Variants in GABRG3 observed in about 807,000 individuals in gnomAD.
The protein encoded by GABRG3 is gamma-aminobutyric acid receptor subunit gamma-3.
GABRG3 carries 25 observed loss-of-function variants against 48.8 expected under a neutral mutation model. That is an observed-to-expected ratio of 0.51 (90% CI 0.37 to 0.72). GABRG3 has a LOEUF of 0.72. Among genes scored for constraint, GABRG3 ranks in the 30% least tolerant of loss-of-function variants. The probability of loss-of-function intolerance (pLI) is 0.00; values close to 1 mark genes in which losing one functional copy is unlikely to be tolerated. For missense variants in GABRG3, 394 were observed against 577.9 expected, an observed-to-expected ratio of 0.68 and a Z score of 3.26; for synonymous variants, 227 against 217.6, an observed-to-expected ratio of 1.04 and a Z score of -0.38.
At chr15:27,242,092 A>T (rs1002616705) in intron 3 of GABRG3, among the ~76,000 whole-genome samples, 3 of 152,220 alleles carry the variant, frequency 2.0e-5, no homozygotes, top group Non-Finnish European at 2.9e-5. Flanking sequence ...CCAGCACGAG[A>T]TGCCTGGTTT....
chr15:27,403,847 G>T (rs560975685), intron 5 of GABRG3, among the ~76,000 whole-genome samples: 242 of 149,106 alleles, frequency 1.6e-3, no homozygotes, highest in Non-Finnish European at 2.5e-3. Flanking sequence ...AGGAGGCAGA[G>T]GTTGCAGTGA....
In GABRG3 at chr15:27,097,357, T is replaced by G. The variant is rs1267467025; in HGVS notation, c.270+70536T>G. Among the ~76,000 whole-genome samples, 8 of 152,228 alleles carry G rather than the reference T, an allele frequency of 5.3e-5. No individual in the cohort carries two copies. The East Asian group carries it at 1.4e-3, about 26-fold the overall frequency. On this transcript the variant is annotated intron_variant, in intron 3 of 9. Coordinates refer to ENST00000615808, the MANE Select transcript of GABRG3 (RefSeq NM_033223.5). ...GCTTAGAAAGAGGGCCCTATTTCTC[T>G]GGGCTTAGGAAGAAAGAGTATCTTC... is the stretch of plus-strand genomic sequence containing the variant.
chr15:27,250,858 C>G (rs781148269), intron 3 of GABRG3, among the ~76,000 whole-genome samples: 1 of 152,158 alleles, frequency 6.6e-6, no homozygotes, highest in Non-Finnish European at 1.5e-5. Flanking sequence ...AGGACGTGGA[C>G]GGCAGCTGCT....
chr15:27,011,608 G>A (rs1177095224), intron 2 of GABRG3, among the ~76,000 whole-genome samples: 1 of 152,072 alleles, frequency 6.6e-6, no homozygotes, highest in Non-Finnish European at 1.5e-5. Flanking sequence ...AGCACTTTGG[G>A]AGGCTGAGGC....
intron 5 of GABRG3, among the ~76,000 whole-genome samples, chr15:27,467,815 CT>C (rs1380974930): frequency 4.6e-5 from 7 of 152,202 alleles, no homozygotes; most frequent in African/African-American, 1.7e-4. Flanking sequence ...GTCGTCTCCC[CT>C]AATCCACGTT....
At chr15:27,336,350 G>C (rs1002121199) in intron 5 of GABRG3, among the ~76,000 whole-genome samples, 1 of 151,304 alleles carries the variant, frequency 6.6e-6, no homozygotes, top group East Asian at 1.9e-4. Flanking sequence ...AAGAAAGAAA[G>C]AAGAAATTGG....
chr15:27,397,472 T>A (rs1416951137), intron 5 of GABRG3, among the ~76,000 whole-genome samples: 1 of 152,182 alleles, frequency 6.6e-6, no homozygotes, highest in Non-Finnish European at 1.5e-5. Flanking sequence ...CGTAATTAAC[T>A]TTACTTTAAA....
chr15:27,411,292 G>T (rs1233412924), intron 5 of GABRG3, among the ~76,000 whole-genome samples: 1 of 152,006 alleles, frequency 6.6e-6, no homozygotes, highest in Admixed American at 6.6e-5. Context: ...TATGAATGAG[G>T]TTTTCTGACA....
intron 6 of GABRG3, among the ~76,000 whole-genome samples, chr15:27,503,804 A>G (rs545315979): frequency 1.1e-4 from 16 of 152,272 alleles, no homozygotes; most frequent in African/African-American, 3.4e-4. Context: ...AGATTCATCT[A>G]TTTCTCCTTG....
At chr15:27,526,951 G>A (rs1891291784) in intron 7 of GABRG3, among the ~76,000 whole-genome samples, 1 of 152,118 alleles carries the variant, frequency 6.6e-6, no homozygotes, top group African/African-American at 2.4e-5. Flanking sequence ...GATAGTAGAA[G>A]GTACAGGGAT....
intron 5 of GABRG3, among the ~76,000 whole-genome samples, chr15:27,344,711 A>G (rs1257844105): frequency 3.8e-4 from 1 of 2,606 alleles, no homozygotes; most frequent in African/African-American, 6.7e-4. Context: ...CAATTGATAA[A>G]CCATTTTTTT....
At chr15:27,097,600 T>G (rs1291527072) in intron 3 of GABRG3, among the ~76,000 whole-genome samples, 3 of 152,106 alleles carry the variant, frequency 2.0e-5, no homozygotes, top group African/African-American at 7.2e-5. Flanking sequence ...TAATATTCTC[T>G]AAATTTTCTG....
intron 5 of GABRG3, among the ~76,000 whole-genome samples, chr15:27,360,985 T>C (rs1895004771): frequency 6.6e-6 from 1 of 152,176 alleles, no homozygotes; most frequent in Admixed American, 6.5e-5. Flanking sequence ...GAGGCCTTAG[T>C]TTCCCCAACT....
chr15:27,263,192 G>C (rs1035433297), intron 3 of GABRG3, among the ~76,000 whole-genome samples: 1 of 152,150 alleles, frequency 6.6e-6, no homozygotes, highest in African/African-American at 2.4e-5. Flanking sequence ...TTTACCACTA[G>C]GGCTTATACG....
chr15:27,398,983 A>G (rs1055171927), intron 5 of GABRG3, among the ~76,000 whole-genome samples: 5 of 152,094 alleles, frequency 3.3e-5, no homozygotes, highest in African/African-American at 7.2e-5. Context: ...TGTTTTCTAC[A>G]TTGTGAGTTG....
intron 3 of GABRG3, among the ~76,000 whole-genome samples, chr15:27,237,258 A>G (rs951211901): frequency 6.6e-6 from 1 of 152,258 alleles, no homozygotes; most frequent in African/African-American, 2.4e-5. Flanking sequence ...GGACACCAGT[A>G]TGAGTGAAGA....
At chr15:27,258,599 T>A (rs970115490) in intron 3 of GABRG3, among the ~76,000 whole-genome samples, 1 of 152,180 alleles carries the variant, frequency 6.6e-6, no homozygotes, top group Non-Finnish European at 1.5e-5. Context: ...GCACTTTCTT[T>A]GCCCTTTTAT....
At chr15:27,452,036 A>G (rs1475055939) in intron 5 of GABRG3, among the ~76,000 whole-genome samples, 1 of 152,214 alleles carries the variant, frequency 6.6e-6, no homozygotes, top group Non-Finnish European at 1.5e-5. Context: ...ATAATGTCAA[A>G]TTGGAAGAAA....
chr15:27,516,849 A>G (rs1434119895), intron 6 of GABRG3, among the ~76,000 whole-genome samples: 1 of 152,268 alleles, frequency 6.6e-6, no homozygotes, highest in Admixed American at 6.5e-5. Flanking sequence ...CTAAAAAGCA[A>G]TTATTGAGAA....
Sources: gnomAD v4.1 joint callset for allele counts (sites outside exome capture counted in the v4.1 genomes callset) on GRCh38, gnomAD v4.1.1 for gene constraint, MANE v1.5 for transcripts, NCBI Gene and HGNC (gene_info 2026-07-23, HGNC 2026-07-21) for gene names.